Variants in RNF180 observed in about 807,000 individuals in gnomAD.
RNF180 encodes the protein ring finger protein 180, also known as E3 ubiquitin-protein ligase RNF180.
RNF180 carries 38 observed loss-of-function variants against 59.2 expected under a neutral mutation model. The observed-to-expected ratio is 0.64, with a 90% CI of 0.50 to 0.84. RNF180 has a LOEUF of 0.84. Ranked by LOEUF, RNF180 falls within the 40% of genes least tolerant of loss-of-function variation. The probability of loss-of-function intolerance (pLI) is 0.00; values close to 1 mark genes in which losing one functional copy is unlikely to be tolerated. For synonymous variants in RNF180, 262 were observed against 240.3 expected (o/e 1.09, Z -0.84); for missense variants, 705 against 700.9 (o/e 1.01, Z -0.07).
intron 7 of RNF180, among the ~76,000 whole-genome samples, chr5:64,368,804 G>C (rs1746545690): frequency 6.6e-6 from 1 of 151,862 alleles, no homozygotes. Context: ...AAAAAGTCAG[G>C]AAACAACAGG....
intron 5 of RNF180, among the ~76,000 whole-genome samples, chr5:64,293,978 T>A (rs973207080): frequency 6.6e-6 from 1 of 152,212 alleles, no homozygotes; most frequent in African/African-American, 2.4e-5. Context: ...TGTAAACATA[T>A]TCTTTAAAAA....
At chr5:64,330,635 C>T (rs953854477) in intron 7 of RNF180, among the ~76,000 whole-genome samples, 3 of 152,256 alleles carry the variant, frequency 2.0e-5, no homozygotes, top group Admixed American at 2.0e-4. Context: ...ACTAAATTGA[C>T]TTTGCCATGC....
At chr5:64,346,898 A>G (rs1745581086) in intron 7 of RNF180, among the ~76,000 whole-genome samples, 1 of 152,184 alleles carries the variant, frequency 6.6e-6, no homozygotes, top group Admixed American at 6.6e-5. Flanking sequence ...CAGAATGGAA[A>G]GGTACCTTGA....
intron 5 of RNF180, among the ~76,000 whole-genome samples, chr5:64,320,437 C>T (rs1024478924): frequency 2.0e-5 from 3 of 152,138 alleles, no homozygotes; most frequent in Admixed American, 2.0e-4. Context: ...TATATTTTAG[C>T]AATTGTGAGA....
intron 4 of RNF180, 98 bp downstream of exon 4, chr5:64,214,615 G>T (rs934010513): frequency 3.7e-5 from 40 of 1,094,104 alleles, no homozygotes; most frequent in Non-Finnish European, 4.6e-5. Flanking sequence ...TAAAAACTTG[G>T]TTTTAGTAAT....
At chr5:64,195,054 G>A (rs189377691) in intron 1 of RNF180, among the ~76,000 whole-genome samples, 18 of 152,216 alleles carry the variant, frequency 1.2e-4, no homozygotes, top group Admixed American at 1.0e-3. Flanking sequence ...CACCACAGAA[G>A]CTTATCAGGT....
chr5:64,238,452 T>G (rs1742585524), intron 5 of RNF180, among the ~76,000 whole-genome samples: 1 of 152,208 alleles, frequency 6.6e-6, no homozygotes, highest in Non-Finnish European at 1.5e-5. Flanking sequence ...TTCATTATCA[T>G]CAACAGTATG....
chr5:64,193,689 A>G (rs187822935), intron 1 of RNF180, among the ~76,000 whole-genome samples: 8 of 152,322 alleles, frequency 5.3e-5, no homozygotes, highest in Admixed American at 6.5e-5. Context: ...TATCACTTTT[A>G]TAATGAAAGA....
intron 7 of RNF180, among the ~76,000 whole-genome samples, chr5:64,355,277 T>A (rs898435746): frequency 6.6e-6 from 1 of 151,952 alleles, no homozygotes; most frequent in South Asian, 2.1e-4. Flanking sequence ...ACACTAGGAA[T>A]GAACAATCCA....
At chr5:64,290,603 T>C (rs566128095) in intron 5 of RNF180, among the ~76,000 whole-genome samples, 1 of 152,236 alleles carries the variant, frequency 6.6e-6, no homozygotes, top group Non-Finnish European at 1.5e-5. Flanking sequence ...TAGCTCTTTT[T>C]GTTGAATTGA....
chr5:64,349,615 G>C (rs1479030215), intron 7 of RNF180, among the ~76,000 whole-genome samples: 5 of 151,766 alleles, frequency 3.3e-5, no homozygotes. Context: ...AGGCCCCAGT[G>C]TGTGATGTTC....
chr5:64,264,127 TCTCTC>T (rs1348571121), intron 5 of RNF180, among the ~76,000 whole-genome samples: 1 of 152,152 alleles, frequency 6.6e-6, no homozygotes, highest in Non-Finnish European at 1.5e-5. Context: ...TTATGAAATC[TCTCTC>T]CTCTCTTTTC....
chr5:64,367,203 A>G (rs937404872), intron 7 of RNF180, among the ~76,000 whole-genome samples: 2 of 151,654 alleles, frequency 1.3e-5, no homozygotes, highest in Admixed American at 1.3e-4. Flanking sequence ...CTGGCTCTGT[A>G]GGAAATGCTT....
intron 6 of RNF180, among the ~76,000 whole-genome samples, chr5:64,328,998 C>A (rs934260308): frequency 6.6e-6 from 1 of 152,110 alleles, no homozygotes; most frequent in Non-Finnish European, 1.5e-5. Context: ...GAGTTTCTAC[C>A]GTTTAAAATG....
At chr5:64,330,490 A>G (rs1715255520) in intron 7 of RNF180, 84 bp downstream of exon 7, 3 of 1,225,476 alleles carry the variant, frequency 2.4e-6, no homozygotes, top group Non-Finnish European at 3.4e-6. Context: ...TGTCTCAGAA[A>G]TATTAGGGGA....
rs148476983 is a variant in RNF180, at chr5:64,195,662, A to T, written c.1-5146A>T. ...ACAAAAACATCAAACTTTTAAGTAA[A>T]GACCAAAACACTTCTAATATTAAAC... is the stretch of plus-strand genomic sequence containing the variant. On this transcript the variant is annotated intron_variant, in intron 1 of 7. Transcript: ENST00000389100. Among the ~76,000 whole-genome samples the T allele has an allele frequency of 2.3e-3, 347 of 152,356 alleles. 2 individuals carry two copies. The highest frequency in any genetic ancestry group is 2.0e-3 in the Non-Finnish European group (133 of 68,032).
intron 4 of RNF180, among the ~76,000 whole-genome samples, 189 bp from the exon 5 acceptor site, chr5:64,217,172 G>A (rs1246154094): frequency 6.6e-6 from 1 of 152,098 alleles, no homozygotes; most frequent in African/African-American, 2.4e-5. Flanking sequence ...CATGCAAGTT[G>A]TTTGCATATA....
chr5:64,321,699 A>G (rs1244895580), intron 5 of RNF180, among the ~76,000 whole-genome samples: 1 of 152,208 alleles, frequency 6.6e-6, no homozygotes, highest in Non-Finnish European at 1.5e-5. Context: ...AAGGGCCCGT[A>G]TAGCCAAGAC....
At chr5:64,347,065 C>G in intron 7 of RNF180, among the ~76,000 whole-genome samples, 1 of 152,136 alleles carries the variant, frequency 6.6e-6, no homozygotes, top group East Asian at 1.9e-4. Context: ...TATAATGATA[C>G]TTTAATAGTG....
Sources: gnomAD v4.1 joint callset for allele counts (sites outside exome capture counted in the v4.1 genomes callset) on GRCh38, gnomAD v4.1.1 for gene constraint, MANE v1.5 for transcripts, NCBI Gene and HGNC (gene_info 2026-07-23, HGNC 2026-07-21) for gene names.